The following EDIL3 variants were observed in gnomAD, a reference collection of about 807,000 sequenced individuals.
The protein encoded by EDIL3 is EGF-like repeat and discoidin I-like domain-containing protein 3.
EDIL3 carries 37 observed loss-of-function variants against 67.4 expected under a neutral mutation model. That is an observed-to-expected ratio of 0.55 (90% CI 0.42 to 0.72). The LOEUF (loss-of-function observed/expected upper bound fraction) is 0.72. EDIL3 is among the 30% of genes least tolerant of loss of function. The probability of loss-of-function intolerance (pLI) is 0.00; values close to 1 mark genes in which losing one functional copy is unlikely to be tolerated. For missense variants in EDIL3, 527 were observed against 586.3 expected, an observed-to-expected ratio of 0.90 and a Z score of 1.04; for synonymous variants, 195 against 196.3, an observed-to-expected ratio of 0.99 and a Z score of 0.05.
At chr5:84,258,530 T>C (rs1174186391) in intron 1 of EDIL3, among the ~76,000 whole-genome samples, 1 of 152,058 alleles carries the variant, frequency 6.6e-6, no homozygotes. Flanking sequence ...TCAAGTAGGG[T>C]CCTGAAAGTT....
intron 1 of EDIL3, among the ~76,000 whole-genome samples, chr5:84,327,163 T>G (rs755194347): frequency 6.6e-6 from 1 of 152,006 alleles, no homozygotes; most frequent in African/African-American, 2.4e-5. Flanking sequence ...TTCTAGTATA[T>G]AATACATCAT....
chr5:84,129,393 TA>T lies in EDIL3; in HGVS notation c.469+7847del, dbSNP rs201901776. On this transcript the variant is annotated intron_variant, in intron 5 of 10. Coordinates refer to ENST00000296591, the MANE Select transcript of EDIL3 (RefSeq NM_005711.5). ...AAGTATATATGGTTACAGTTATTTGTAAATGTATCTCTATATATTTATAGGT... is the reference window on the plus strand; with the variant it reads ...AAGTATATATGGTTACAGTTATTTGTAATGTATCTCTATATATTTATAGGT... Among the ~76,000 whole-genome samples, 822 of 152,208 alleles carry T rather than the reference TA, an allele frequency of 5.4e-3. 7 individuals carry two copies. Among genetic ancestry groups the T allele is most frequent in the African/African-American group, 0.019 (793 of 41,564 alleles).
chr5:84,064,923 A>G, intron 7 of EDIL3, 79 bp from the exon 8 acceptor site: 1 of 1,427,670 alleles, frequency 7.0e-7, no homozygotes, highest in Non-Finnish European at 9.3e-7. Flanking sequence ...TCTATACCTT[A>G]TCGAAAATAA....
At chr5:83,944,156 G>A (rs536360948) in intron 10 of EDIL3, among the ~76,000 whole-genome samples, 1 of 152,090 alleles carries the variant, frequency 6.6e-6, no homozygotes, top group Non-Finnish European at 1.5e-5. Flanking sequence ...GCTATCTGGT[G>A]AGCACTAACG....
chr5:84,093,181 T>C (rs1241281725), intron 6 of EDIL3, among the ~76,000 whole-genome samples: 1 of 151,716 alleles, frequency 6.6e-6, no homozygotes, highest in Non-Finnish European at 1.5e-5. Flanking sequence ...AATACTATCT[T>C]TCTCCTTTTT....
chr5:84,225,718 A>G (rs1325276966), intron 3 of EDIL3, among the ~76,000 whole-genome samples: 2 of 151,644 alleles, frequency 1.3e-5, no homozygotes, highest in Non-Finnish European at 3.0e-5. Context: ...AGAATAGATC[A>G]TAACTATTGA....
At position 84,107,316 on chromosome 5, in the gene EDIL3, A is replaced by G. The variant is rs539749637; in HGVS notation, c.470-486T>C. Among the ~76,000 whole-genome samples, 9 of 152,116 alleles carry G rather than the reference A, an allele frequency of 5.9e-5. No individual in the cohort carries two copies. The East Asian group carries it at 1.7e-3, about 29-fold the overall frequency. The stretch of plus-strand genomic sequence containing the variant: ...CACTACTATAAACTTTATAACTTAA[A>G]TTTTTATACCCACCATCAGTTATGC... On this transcript the variant is annotated intron_variant, in intron 5 of 10. Transcript: ENST00000296591.
chr5:84,156,594 T>G (rs573548097), intron 4 of EDIL3, among the ~76,000 whole-genome samples: 1 of 152,222 alleles, frequency 6.6e-6, no homozygotes, highest in African/African-American at 2.4e-5. Flanking sequence ...ATGCTAAATA[T>G]GTATGCTCAG....
At chr5:84,188,674 G>A (rs1743517628) in intron 3 of EDIL3, among the ~76,000 whole-genome samples, 2 of 151,978 alleles carry the variant, frequency 1.3e-5, no homozygotes, top group Admixed American at 6.6e-5. Flanking sequence ...GGTCATATAA[G>A]TGGGCCTTAA....
At chr5:83,959,466 G>A (rs1744570461) in intron 10 of EDIL3, among the ~76,000 whole-genome samples, 2 of 150,890 alleles carry the variant, frequency 1.3e-5, no homozygotes, top group Non-Finnish European at 3.0e-5. Context: ...AAAACAAACA[G>A]CACAAAAGAA....
At chr5:84,007,930 A>G (rs532168873) in intron 9 of EDIL3, among the ~76,000 whole-genome samples, 1 of 152,328 alleles carries the variant, frequency 6.6e-6, no homozygotes, top group East Asian at 1.9e-4. Context: ...TATATCCACA[A>G]TGGAGTACCA....
intron 3 of EDIL3, among the ~76,000 whole-genome samples, chr5:84,200,351 TA>T (rs1346471100): frequency 4.1e-4 from 62 of 152,130 alleles, no homozygotes; most frequent in African/African-American, 1.5e-3. Flanking sequence ...GTAAAGAGTT[TA>T]AGCAATGAAG....
chr5:84,378,691 C>T (rs1748018008), intron 1 of EDIL3, among the ~76,000 whole-genome samples: 1 of 152,130 alleles, frequency 6.6e-6, no homozygotes, highest in South Asian at 2.1e-4. Context: ...GTGGATGAAG[C>T]TTCAAGGCAA....
chr5:84,171,192 T>G (rs922319321), intron 4 of EDIL3, among the ~76,000 whole-genome samples: 3 of 152,172 alleles, frequency 2.0e-5, no homozygotes, highest in African/African-American at 7.2e-5. Flanking sequence ...GTTCAGAGAT[T>G]ATTGTTTTTC....
At chr5:84,172,354 G>T (rs1433736584) in intron 4 of EDIL3, among the ~76,000 whole-genome samples, 1 of 152,092 alleles carries the variant, frequency 6.6e-6, no homozygotes, top group Non-Finnish European at 1.5e-5. Flanking sequence ...GGCCAAGGTG[G>T]GGGAATTGCT....
intron 9 of EDIL3, among the ~76,000 whole-genome samples, chr5:84,042,951 T>C (rs1021116159): frequency 6.6e-6 from 1 of 152,096 alleles, no homozygotes; most frequent in Middle Eastern, 3.2e-3. Context: ...AATTTACTTA[T>C]TAACATAGAG....
At chr5:84,104,441 A>T (rs72776504) in intron 6 of EDIL3, among the ~76,000 whole-genome samples, 3,796 of 152,126 alleles carry the variant, frequency 0.025, 73 homozygotes, top group Middle Eastern at 0.051. Context: ...AACATTAAAA[A>T]TATATTATTA....
intron 10 of EDIL3, among the ~76,000 whole-genome samples, chr5:83,961,330 C>G (rs1744603581): frequency 6.6e-6 from 1 of 150,882 alleles, no homozygotes; most frequent in Non-Finnish European, 1.5e-5. Context: ...AGAAAATCAG[C>G]AAAGATATAG....
rs565882694 is a variant in EDIL3 at position 83,943,307 on chromosome 5, T to C, written c.*112A>G. The C allele has an allele frequency of 9.6e-6, 14 of 1,461,334 alleles. No homozygotes were observed. In the African/African-American group the frequency reaches 1.6e-4, roughly 16 times the overall value. The allele number at this position is 1,461,334 out of a possible 1,614,324, so 90.5% of individuals were successfully genotyped here. On this transcript the variant is annotated 3_prime_UTR_variant, in exon 11 of 11. Coordinates refer to ENST00000296591, the MANE Select transcript of EDIL3 (RefSeq NM_005711.5). ...GTTGCCTACCATAATTTGAGCACTTTTTCATGAAAAAAAAAAAAAAACCAT... is the reference window on the plus strand; with the variant it reads ...GTTGCCTACCATAATTTGAGCACTTCTTCATGAAAAAAAAAAAAAAACCAT...
Sources: allele counts gnomAD v4.1 joint callset (sites outside exome capture counted in the v4.1 genomes callset), GRCh38; gene constraint gnomAD v4.1.1; transcripts MANE v1.5; gene names NCBI Gene and HGNC (gene_info 2026-07-23, HGNC 2026-07-21).